RHEX: variants seen among roughly 807,000 people sequenced by gnomAD.
The protein encoded by RHEX is regulator of hemoglobinization and erythroid cell expansion, also known as regulator of hemoglobinization and erythroid cell expansion protein.
In RHEX, 18 loss-of-function variants were observed where a neutral mutation model predicts 20.1. The observed-to-expected ratio is 0.90, with a 90% CI of 0.62 to 1.33. The LOEUF (loss-of-function observed/expected upper bound fraction) is 1.33. RHEX is among the 40% of genes most tolerant of loss of function. The pLI is 0.00. For synonymous variants in RHEX, 87 were observed against 77.1 expected, an observed-to-expected ratio of 1.13 and a Z score of -0.67; for missense variants, 192 against 214.3, an observed-to-expected ratio of 0.90 and a Z score of 0.65.
chr1:206,086,409 C>T (rs1662841463), intron 1 of RHEX, among the ~76,000 whole-genome samples: 1 of 152,066 alleles, frequency 6.6e-6, no homozygotes, highest in African/African-American at 2.4e-5. Flanking sequence ...TCTCAAGCTC[C>T]TGAGCTCAAG....
intron 1 of RHEX, among the ~76,000 whole-genome samples, chr1:206,096,440 CT>C (rs1480694611): frequency 6.6e-6 from 1 of 152,236 alleles, no homozygotes; most frequent in Non-Finnish European, 1.5e-5. Flanking sequence ...TTCTAGCCCC[CT>C]TCCACAATTT....
intron 1 of RHEX, among the ~76,000 whole-genome samples, chr1:206,058,714 T>A (rs1308238746): frequency 6.6e-6 from 1 of 152,294 alleles, no homozygotes; most frequent in African/African-American, 2.4e-5. Context: ...CCCTGTCACA[T>A]ACCGCCTGCT....
chr1:206,098,001 C>G, intron 2 of RHEX, 80 bp from the exon 3 acceptor site: 6 of 1,279,504 alleles, frequency 4.7e-6, no homozygotes, highest in Admixed American at 1.7e-5. Context: ...ATGTCTGCCT[C>G]CAGCTAGGAC....
Position 206,067,611 on chromosome 1 carries a change from A to G in RHEX, c.-97+14346A>G, listed in dbSNP as rs1662453735. ...AGGTGGGGAGAGCAATTTTTCTGCC[A>G]GACAGCTCATCACTGACAACCCACT... On this transcript the variant is annotated intron_variant, in intron 1 of 5. Coordinates refer to ENST00000331555, the MANE Select transcript of RHEX (RefSeq NM_001007544.4). This position sits in a 1 kb window ranked among gnomAD's most constrained non-coding sequence, Gnocchi z 4.6. Among the ~76,000 whole-genome samples the G allele has an allele frequency of 6.6e-6, 1 of 152,130 alleles. No individual in the cohort carries two copies. Among genetic ancestry groups the G allele is most frequent in the African/African-American group, 2.4e-5 (1 of 41,366 alleles).
chr1:206,089,415 G>A lies in RHEX; in HGVS notation c.-96-8318G>A, dbSNP rs1368337705. 2.0e-5 allele frequency among the ~76,000 whole-genome samples: 3 copies of A among 152,096 alleles called. No homozygotes were observed. The East Asian group carries it at 5.8e-4, about 29-fold the overall frequency. ...TACAATTGCATTGTATATTTTCGTA[G>A]AACAGATTTCTTTCTCCAGATGAGT... is the stretch of plus-strand genomic sequence containing the variant. On this transcript the variant is annotated intron_variant, in intron 1 of 5. Transcript: ENST00000331555.
chr1:206,088,471 C>G (rs1403299233), intron 1 of RHEX, among the ~76,000 whole-genome samples: 2 of 152,112 alleles, frequency 1.3e-5, no homozygotes, highest in South Asian at 4.1e-4. Context: ...TCACTTGAGG[C>G]CAGGAGTTCG....
At chr1:206,071,111 G>T (rs1344160172) in intron 1 of RHEX, among the ~76,000 whole-genome samples, 1 of 152,184 alleles carries the variant, frequency 6.6e-6, no homozygotes, top group Non-Finnish European at 1.5e-5. Context: ...AACCTCATAA[G>T]TAGGGAAGCC....
intron 1 of RHEX, among the ~76,000 whole-genome samples, chr1:206,054,111 A>G (rs1274967753): frequency 9.0e-5 from 13 of 144,902 alleles, no homozygotes; most frequent in Admixed American, 1.4e-4. Context: ...AAAAAAAAAA[A>G]GGAATGGTTA....
rs373280326 is a variant in RHEX at position 206,101,741 on chromosome 1, T to G, written c.319-11T>G. On this transcript the variant is annotated splice_polypyrimidine_tract_variant and intron_variant, in intron 5 of 5. Transcript: ENST00000331555. ...GGATCTTGACCCACATGTCTCTGCT[T>G]TTCTCCTAAGGCCACAGAGGATGTG... 6.2e-7 allele frequency: 1 copy of G among 1,608,196 alleles called. No individual in the cohort carries two copies. The highest frequency in any genetic ancestry group is 8.5e-7 in the Non-Finnish European group (1 of 1,176,480).
At chr1:206,083,903 T>A (rs1553286191) in intron 1 of RHEX, among the ~76,000 whole-genome samples, 2 of 152,210 alleles carry the variant, frequency 1.3e-5, no homozygotes. Flanking sequence ...AGAAGGTACA[T>A]GGATTTTGGG....
At chr1:206,077,991 T>C (rs1662667132) in intron 1 of RHEX, among the ~76,000 whole-genome samples, 1 of 152,174 alleles carries the variant, frequency 6.6e-6, no homozygotes, top group Non-Finnish European at 1.5e-5. Flanking sequence ...CACCTTTGCT[T>C]TCTGAGGTTT....
Position 206,062,563 on chromosome 1 carries a change from G to A in RHEX, c.-97+9298G>A, listed in dbSNP as rs144476160. ...GAGTCATGCTTGTATCTGTGATCAC[G>A]TGCATGGCTGACTGCCTCGTGTGTC... On this transcript the variant is annotated intron_variant, in intron 1 of 5. Transcript: ENST00000331555. Among the ~76,000 whole-genome samples, 66 of 152,314 alleles carry A rather than the reference G, an allele frequency of 4.3e-4. No homozygotes were observed. The East Asian group carries it at 0.011, about 25-fold the overall frequency.
At chr1:206,054,787 C>T (rs1662155437) in intron 1 of RHEX, among the ~76,000 whole-genome samples, 2 of 152,246 alleles carry the variant, frequency 1.3e-5, no homozygotes, top group Admixed American at 6.5e-5. Flanking sequence ...TAAAATTTAG[C>T]TTATCTGGTA....
Position 206,101,862 on chromosome 1 carries a change from T to C in RHEX, c.429T>C (p.Asn143=). 6.2e-7 allele frequency: 1 copy of C among 1,614,058 alleles called. No homozygotes were observed. Among genetic ancestry groups the C allele is most frequent in the Non-Finnish European group, 8.5e-7 (1 of 1,179,956 alleles). Residue 143 remains asparagine (N), a synonymous_variant, in exon 6 of 6, where the codon AAT becomes AAC. Coordinates refer to ENST00000331555, the MANE Select transcript of RHEX (RefSeq NM_001007544.4). ...TAAAGGAAATCACAGATTATGTCAATGTCAATCCAGAAAGACACAAGCCCA... is the reference window on the plus strand; with the variant it reads ...TAAAGGAAATCACAGATTATGTCAACGTCAATCCAGAAAGACACAAGCCCA... The part of the protein sequence containing the change: ...ENIKEITDYV[N]VNPERHKPSF...
In RHEX at chr1:206,096,776, T is replaced by TTG. The variant is rs67460114; in HGVS notation, c.-96-956_-96-955insGT. On this transcript the variant is annotated intron_variant, in intron 1 of 5. Transcript: ENST00000331555. ...TGCACAAGTCCCCTGTTTTTTTTTT[T>TTG]TTTGGTTTTTTTTTTTGAGACAGGG... Among the ~76,000 whole-genome samples, 1,089 of 142,106 alleles carry TTG rather than the reference T, an allele frequency of 7.7e-3. 21 individuals carry two copies. The highest frequency in any genetic ancestry group is 0.063 in the East Asian group (308 of 4,914). 93.2% of individuals were successfully genotyped at this position (142,106 alleles called of 152,430 possible).
chr1:206,073,598 A>G (rs1376753958), intron 1 of RHEX, among the ~76,000 whole-genome samples: 4 of 152,200 alleles, frequency 2.6e-5, no homozygotes, highest in Admixed American at 6.5e-5. Context: ...GTCACTATGC[A>G]TACTGGGCCC....
At chr1:206,073,304 G>T (rs539190032) in intron 1 of RHEX, among the ~76,000 whole-genome samples, 1 of 152,176 alleles carries the variant, frequency 6.6e-6, no homozygotes, top group Admixed American at 6.5e-5. Flanking sequence ...ATTGCCAGCA[G>T]CAGACAGGTG....
At chr1:206,073,648 C>T (rs529737134) in intron 1 of RHEX, among the ~76,000 whole-genome samples, 73 of 152,218 alleles carry the variant, frequency 4.8e-4, no homozygotes, top group Non-Finnish European at 8.5e-4. Flanking sequence ...GAAAGTATCC[C>T]GCTGTTCCTC....
intron 1 of RHEX, among the ~76,000 whole-genome samples, chr1:206,056,219 A>G (rs1392508844): frequency 1.3e-5 from 2 of 152,214 alleles, no homozygotes; most frequent in Non-Finnish European, 2.9e-5. Context: ...ATCCTTAAAC[A>G]TCAGTAGACT....
Sources: gnomAD v4.1 joint callset for allele counts (sites outside exome capture counted in the v4.1 genomes callset) on GRCh38, gnomAD v4.1.1 for gene constraint, Gnocchi (gnomAD v3.1) non-coding constraint, MANE v1.5 for transcripts, NCBI Gene and HGNC (gene_info 2026-07-23, HGNC 2026-07-21) for gene names.